BANK1: variants seen among roughly 807,000 people sequenced by gnomAD.
BANK1 encodes B cell scaffold protein with ankyrin repeats 1, also known as B-cell scaffold protein with ankyrin repeats.
A neutral mutation model predicts 94.5 loss-of-function variants in BANK1; 95 were observed. The ratio of observed to expected loss-of-function variants is 1.00; its 90% CI spans 0.85 to 1.19. The LOEUF (loss-of-function observed/expected upper bound fraction) is 1.19. Among genes scored for constraint, BANK1 ranks in the 50% most tolerant of loss-of-function variants. The pLI, the probability that BANK1 is intolerant of heterozygous loss-of-function variation, is 0.00. For missense variants in BANK1, 987 were observed against 932.2 expected (o/e 1.06, Z -0.77); for synonymous variants, 334 against 308.4 (o/e 1.08, Z -0.87).
At chr4:101,938,568 A>G (rs1723647140) in intron 7 of BANK1, among the ~76,000 whole-genome samples, 1 of 151,630 alleles carries the variant, frequency 6.6e-6, no homozygotes, top group Non-Finnish European at 1.5e-5. Context: ...TACCCCTTAA[A>G]TATATATACC....
chr4:101,930,386 G>A (rs1723299116), intron 7 of BANK1, among the ~76,000 whole-genome samples: 1 of 151,270 alleles, frequency 6.6e-6, no homozygotes, highest in South Asian at 2.1e-4. Context: ...GTTGAGTATT[G>A]TTACAGTTAC....
chr4:102,070,775 T>C (rs757831581), intron 13 of BANK1, among the ~76,000 whole-genome samples: 5 of 152,134 alleles, frequency 3.3e-5, no homozygotes, highest in Admixed American at 3.3e-4. Flanking sequence ...GGGGGTGCCA[T>C]GAGTAATGTT....
At chr4:102,000,643 A>G (rs1053558520) in intron 7 of BANK1, among the ~76,000 whole-genome samples, 1 of 152,220 alleles carries the variant, frequency 6.6e-6, no homozygotes, top group Non-Finnish European at 1.5e-5. Flanking sequence ...AAACTGATAC[A>G]TGTGTTGCAA....
chr4:102,026,886 A>G (rs535504694), intron 9 of BANK1, among the ~76,000 whole-genome samples: 1 of 152,152 alleles, frequency 6.6e-6, no homozygotes, highest in East Asian at 1.9e-4. Flanking sequence ...TGAAGACCCA[A>G]GTTTACCAAC....
intron 4 of BANK1, among the ~76,000 whole-genome samples, 161 bp from the exon 5 acceptor site, chr4:101,870,344 G>C (rs2148880883): frequency 6.6e-6 from 1 of 151,808 alleles, no homozygotes; most frequent in African/African-American, 2.4e-5. Flanking sequence ...ATTTCATTTT[G>C]TGTTTTCCAA....
At chr4:102,002,997 G>C (rs1726129754) in intron 7 of BANK1, among the ~76,000 whole-genome samples, 1 of 152,190 alleles carries the variant, frequency 6.6e-6, no homozygotes, top group African/African-American at 2.4e-5. Context: ...CTGGCCTCAA[G>C]TGATCCGCCC....
rs1288659885 is a variant in BANK1 at position 101,960,640 on chromosome 4, G to A, written c.1206+42451G>A. Among the ~76,000 whole-genome samples, 3 of 152,142 alleles carry A rather than the reference G, an allele frequency of 2.0e-5. No individual in the cohort carries two copies. In the East Asian group the frequency reaches 5.8e-4, roughly 29 times the overall value. The stretch of plus-strand genomic sequence containing the variant: ...TGGTGAAAGAACATGGAGATGGTTA[G>A]TGGCATCTGTCTTCCTCATTTGATT... On this transcript the variant is annotated intron_variant, in intron 7 of 16. Coordinates refer to ENST00000322953, the MANE Select transcript of BANK1 (RefSeq NM_017935.5).
At chr4:101,962,806 G>A (rs1016379974) in intron 7 of BANK1, among the ~76,000 whole-genome samples, 2 of 151,894 alleles carry the variant, frequency 1.3e-5, no homozygotes, top group African/African-American at 4.8e-5. Context: ...TTCTAGTATG[G>A]CACTTCCTTT....
intron 7 of BANK1, among the ~76,000 whole-genome samples, chr4:101,989,257 A>G (rs2148931068): frequency 6.6e-6 from 1 of 152,150 alleles, no homozygotes; most frequent in Non-Finnish European, 1.5e-5. Context: ...AGCCTGGTCA[A>G]CATGGCAATA....
At chr4:101,965,545 A>G (rs1724723497) in intron 7 of BANK1, among the ~76,000 whole-genome samples, 1 of 152,112 alleles carries the variant, frequency 6.6e-6, no homozygotes, top group Non-Finnish European at 1.5e-5. Flanking sequence ...TTTTGTTACA[A>G]AACAGCATCT....
At position 101,923,013 on chromosome 4, in the gene BANK1, TC is replaced by T. The variant is rs571534184; in HGVS notation, c.1206+4825del. On this transcript the variant is annotated intron_variant, in intron 7 of 16. Transcript: ENST00000322953. Reference sequence around the variant, plus strand: ...TTTCCATTTTCCTTTACTCCTAGAGTCTTGGAATTCAGCCAGGTCTGGATTT... The same window carrying T: ...TTTCCATTTTCCTTTACTCCTAGAGTTTGGAATTCAGCCAGGTCTGGATTT... 2.0e-3 allele frequency among the ~76,000 whole-genome samples: 310 copies of T among 151,922 alleles called. 2 individuals are homozygous for T. The highest frequency in any genetic ancestry group is 7.1e-3 in the African/African-American group (294 of 41,504).
chr4:101,827,617 T>A (rs1251133161), intron 1 of BANK1, among the ~76,000 whole-genome samples: 1 of 152,028 alleles, frequency 6.6e-6, no homozygotes, highest in Non-Finnish European at 1.5e-5. Flanking sequence ...TGTATTCAAC[T>A]CACCCTATTC....
Position 102,030,088 on chromosome 4 carries a change from G to T in BANK1, c.1723G>T (p.Glu575Ter), listed in dbSNP as rs747612720. The change falls in exon 10 of 17, where the codon GAA (glutamate) becomes TAA (stop). Residue 575 changes from glutamate to a stop codon, truncating the protein, a stop_gained. Coordinates refer to ENST00000322953, the MANE Select transcript of BANK1 (RefSeq NM_017935.5). LOFTEE classifies it high-confidence loss of function. The part of the protein sequence containing the change: ...KEEEKEQEEE[E>*]DPYTFAEIDD... ...AGAGGAAAAAGAGCAGGAGGAGGAA[G>T]AAGACCCATATACTTTTGCTGAGAT... is the stretch of plus-strand genomic sequence containing the variant. The T allele has an allele frequency of 9.3e-6, 15 of 1,613,930 alleles. No homozygotes were observed. Among genetic ancestry groups the T allele is most frequent in the Non-Finnish European group, 1.3e-5 (15 of 1,179,902 alleles).
intron 11 of BANK1, among the ~76,000 whole-genome samples, chr4:102,053,266 T>C (rs1028791214): frequency 2.0e-5 from 3 of 152,176 alleles, no homozygotes; most frequent in African/African-American, 7.2e-5. Context: ...ATAATGCAGA[T>C]TGAGTGGGCT....
intron 1 of BANK1, among the ~76,000 whole-genome samples, chr4:101,802,891 GAC>G (rs769838952): frequency 5.9e-5 from 9 of 152,156 alleles, no homozygotes; most frequent in Non-Finnish European, 1.0e-4. Context: ...GAAATATGTG[GAC>G]ACAGACTTCC....
At chr4:101,877,884 C>CTAAA (rs1038609943) in intron 5 of BANK1, among the ~76,000 whole-genome samples, 7 of 152,008 alleles carry the variant, frequency 4.6e-5, no homozygotes, top group African/African-American at 1.7e-4. Context: ...GACTCTGTCT[C>CTAAA]TAAATAAATA....
Position 101,968,357 on chromosome 4 carries a change from G to T in BANK1, c.1206+50168G>T, listed in dbSNP as rs58630066. Among the ~76,000 whole-genome samples, 999 of 152,230 alleles carry T rather than the reference G, an allele frequency of 6.6e-3. 14 individuals carry two copies. Among genetic ancestry groups the T allele is most frequent in the East Asian group, 0.057 (293 of 5,178 alleles). ...ACAGGACAAAAATGGCATATTCAATGTAGGCATAGAAGATAAAGAACATTG... is the reference window on the plus strand; with the variant it reads ...ACAGGACAAAAATGGCATATTCAATTTAGGCATAGAAGATAAAGAACATTG... On this transcript the variant is annotated intron_variant, in intron 7 of 16. Transcript: ENST00000322953.
chr4:101,838,805 G>A (rs1031111575), intron 2 of BANK1, among the ~76,000 whole-genome samples: 1 of 152,072 alleles, frequency 6.6e-6, no homozygotes, highest in Non-Finnish European at 1.5e-5. Flanking sequence ...CAGCCACTTG[G>A]TAACCTCAGT....
Position 102,071,401 on chromosome 4 carries a change from TC to T in BANK1, c.2242+98del, listed in dbSNP as rs554589609. ...TGTAAACCTAATGTGATTAAGCAAG[TC>T]AGTGTAAACATTCACATAGATTTTA... On this transcript the variant is annotated intron_variant, in intron 14 of 16. Transcript: ENST00000322953. The T allele has an allele frequency of 4.6e-4, 561 of 1,225,072 alleles. 6 individuals carry two copies. The South Asian group carries it at 7.3e-3, about 16-fold the overall frequency. The allele number at this position is 1,225,072 out of a possible 1,614,324, so 75.9% of individuals were successfully genotyped here.
Sources: allele counts gnomAD v4.1 joint callset (sites outside exome capture counted in the v4.1 genomes callset), GRCh38; gene constraint gnomAD v4.1.1; transcripts MANE v1.5; gene names NCBI Gene and HGNC (gene_info 2026-07-23, HGNC 2026-07-21).